Variants in AKAP7 observed in about 807,000 individuals in gnomAD.
AKAP7 encodes the protein A-kinase anchoring protein 7.
Under a neutral mutation model 39.5 loss-of-function variants are expected in AKAP7, and 39 were observed. The ratio of observed to expected loss-of-function variants is 0.99; its 90% confidence interval spans 0.76 to 1.29. AKAP7 has a LOEUF of 1.29. Among genes scored for constraint, AKAP7 ranks in the 50% most tolerant of loss-of-function variants. The probability of loss-of-function intolerance (pLI) is 0.00; values close to 1 mark genes in which losing one functional copy is unlikely to be tolerated. For missense variants in AKAP7, 414 were observed against 407.7 expected, an observed-to-expected ratio of 1.02 and a Z score of -0.13; for synonymous variants, 140 against 139.1, an observed-to-expected ratio of 1.01 and a Z score of -0.05.
intron 6 of AKAP7, among the ~76,000 whole-genome samples, chr6:131,207,491 ATTTTTT>A (rs531582478): frequency 2.7e-4 from 21 of 78,796 alleles, no homozygotes; most frequent in Admixed American, 2.0e-3. Context: ...GCTAATTAAA[ATTTTTT>A]TTTTTTTTTT....
chr6:131,161,954 G>C (rs941078422), intron 3 of AKAP7, among the ~76,000 whole-genome samples: 19 of 152,112 alleles, frequency 1.2e-4, no homozygotes, highest in African/African-American at 3.4e-4. Context: ...AGAGAATCCA[G>C]GTTCTGTATT....
intron 7 of AKAP7, among the ~76,000 whole-genome samples, chr6:131,240,233 A>G (rs181328661): frequency 1.3e-5 from 2 of 152,196 alleles, no homozygotes; most frequent in Non-Finnish European, 2.9e-5. Context: ...ATATTGGTGA[A>G]CAGCAAATGT....
In AKAP7 at chr6:131,253,367, A is replaced by G. The variant is rs539387943; in HGVS notation, c.851-28163A>G. Among the ~76,000 whole-genome samples, 11 of 152,294 alleles carry G rather than the reference A, an allele frequency of 7.2e-5. No individual in the cohort carries two copies. The South Asian group carries it at 2.3e-3, about 32-fold the overall frequency. Reference sequence around the variant, plus strand: ...TAATCGTTGTACATATTTATGGGGCATGTGATATTTTGGTACATGCATGCA... The same window carrying G: ...TAATCGTTGTACATATTTATGGGGCGTGTGATATTTTGGTACATGCATGCA... On this transcript the variant is annotated intron_variant, in intron 7 of 7. Coordinates refer to ENST00000431975, the MANE Select transcript of AKAP7 (RefSeq NM_016377.4).
intron 7 of AKAP7, among the ~76,000 whole-genome samples, chr6:131,243,576 G>GA (rs1161797309): frequency 6.6e-6 from 1 of 151,664 alleles, no homozygotes; most frequent in Non-Finnish European, 1.5e-5. Context: ...GTTATTATAG[G>GA]AAAAAAAGCT....
intron 7 of AKAP7, among the ~76,000 whole-genome samples, chr6:131,233,968 A>G (rs1472377865): frequency 6.6e-6 from 1 of 152,144 alleles, no homozygotes; most frequent in Non-Finnish European, 1.5e-5. Flanking sequence ...CTTTATTGTT[A>G]TATAGTTACT....
At chr6:131,126,260 C>T in the AKAP7 span, among the ~76,000 whole-genome samples, 1 of 152,208 alleles carries the variant, frequency 6.6e-6, no homozygotes, top group East Asian at 1.9e-4. Flanking sequence ...TTCTTGCTTA[C>T]TTTTTTCTTT....
intron 1 of AKAP7, among the ~76,000 whole-genome samples, chr6:131,138,038 C>T (rs1039043100): frequency 6.6e-6 from 1 of 152,080 alleles, no homozygotes; most frequent in Admixed American, 6.5e-5. Flanking sequence ...GAGCATGCTT[C>T]GTTTAACTGT....
At chr6:131,272,047 A>G (rs1007740146) in intron 7 of AKAP7, among the ~76,000 whole-genome samples, 4 of 152,178 alleles carry the variant, frequency 2.6e-5, no homozygotes, top group East Asian at 1.9e-4. Context: ...CCTGCCTTCC[A>G]TAAGGCTTTG....
At chr6:131,164,570 A>G in intron 3 of AKAP7, 1 of 355,032 alleles carries the variant, frequency 2.8e-6, no homozygotes, top group Non-Finnish European at 5.6e-6. Context: ...TACTGAAATT[A>G]TTGCTGTCGT....
At chr6:131,243,796 T>C (rs934966484) in intron 7 of AKAP7, among the ~76,000 whole-genome samples, 1 of 152,204 alleles carries the variant, frequency 6.6e-6, no homozygotes, top group Non-Finnish European at 1.5e-5. Context: ...TTCTGTTGTT[T>C]ACATTGTTAA....
intron 5 of AKAP7, among the ~76,000 whole-genome samples, chr6:131,187,507 T>G (rs1585043921): frequency 6.6e-6 from 1 of 152,250 alleles, no homozygotes; most frequent in East Asian, 1.9e-4. Context: ...TAAAGGCCTT[T>G]TTTCTCCAAA....
intron 7 of AKAP7, among the ~76,000 whole-genome samples, chr6:131,254,807 C>T (rs369908591): frequency 1.3e-5 from 2 of 152,170 alleles, no homozygotes; most frequent in East Asian, 3.8e-4. Context: ...TGTGTTTTAA[C>T]AAGACACATT....
At chr6:131,199,017 A>G (rs764536127) in intron 5 of AKAP7, among the ~76,000 whole-genome samples, 2 of 152,246 alleles carry the variant, frequency 1.3e-5, no homozygotes, top group Non-Finnish European at 2.9e-5. Flanking sequence ...AGCTGGAATA[A>G]TCAAAGGGCT....
At chr6:131,274,725 T>C (rs995741907) in intron 7 of AKAP7, among the ~76,000 whole-genome samples, 1 of 152,072 alleles carries the variant, frequency 6.6e-6, no homozygotes, top group Non-Finnish European at 1.5e-5. Flanking sequence ...TCTTTCCCCC[T>C]AAGCCATCCT....
At chr6:131,149,530 G>A (rs1472032506) in intron 2 of AKAP7, among the ~76,000 whole-genome samples, 1 of 152,214 alleles carries the variant, frequency 6.6e-6, no homozygotes, top group African/African-American at 2.4e-5. Flanking sequence ...AGCTACTAGG[G>A]AGGCCGAGGC....
intron 7 of AKAP7, among the ~76,000 whole-genome samples, chr6:131,220,452 G>A (rs1400883116): frequency 6.6e-6 from 1 of 152,154 alleles, no homozygotes; most frequent in Non-Finnish European, 1.5e-5. Context: ...TTTCAAAGCA[G>A]CCAGCTCTGT....
rs192425317 is a variant in AKAP7, at chr6:131,221,892, T to C, written c.850+2084T>C. ...CTCTGATGGAAATGTACAAGGAGTT[T>C]AGTGTTATTTTCATGCTTGCTAACA... On this transcript the variant is annotated intron_variant, in intron 7 of 7. Coordinates refer to ENST00000431975, the MANE Select transcript of AKAP7 (RefSeq NM_016377.4). Among the ~76,000 whole-genome samples, 7 of 152,324 alleles carry C rather than the reference T, an allele frequency of 4.6e-5. No homozygotes were observed. The East Asian group carries it at 1.4e-3, about 29-fold the overall frequency.
Position 131,206,809 on chromosome 6 carries a change from C to T in AKAP7, c.702+7236C>T, listed in dbSNP as rs80295579. Among the ~76,000 whole-genome samples the T allele has an allele frequency of 5.1e-4, 77 of 152,106 alleles. No homozygotes were observed. The East Asian group carries it at 0.011, about 21-fold the overall frequency. ...TCCATCTATCTATCTATCTATCTAT[C>T]TCTGCATATTTTTTCAGGATTTTGT... On this transcript the variant is annotated intron_variant, in intron 6 of 7. Coordinates refer to ENST00000431975, the MANE Select transcript of AKAP7 (RefSeq NM_016377.4).
chr6:131,139,263 C>A (rs542975173), intron 1 of AKAP7, among the ~76,000 whole-genome samples: 6 of 152,134 alleles, frequency 3.9e-5, no homozygotes, highest in Non-Finnish European at 7.3e-5. Flanking sequence ...GAAAGTGGCA[C>A]TCCTTTTTTT....
Sources: gnomAD v4.1 joint callset for allele counts (sites outside exome capture counted in the v4.1 genomes callset) on GRCh38, gnomAD v4.1.1 for gene constraint, MANE v1.5 for transcripts, NCBI Gene and HGNC (gene_info 2026-07-23, HGNC 2026-07-21) for gene names.